Variants in USP7 observed in about 807,000 individuals in gnomAD.
USP7 encodes ubiquitin C-terminal hydrolase 7.
USP7 carries 9 observed loss-of-function variants against 162.9 expected under a neutral mutation model. The observed-to-expected ratio is 0.06, with a 90% CI of 0.03 to 0.10. The LOEUF (loss-of-function observed/expected upper bound fraction) is 0.10, where lower values mean the gene tolerates loss of function less well. USP7 is among the 10% of genes least tolerant of loss of function. The pLI is 1.00. For synonymous variants in USP7, 562 were observed against 475.9 expected, an observed-to-expected ratio of 1.18 and a Z score of -2.35; for missense variants, 715 against 1,373.7, an observed-to-expected ratio of 0.52 and a Z score of 7.58.
At chr16:8,962,517 G>A in intron 1 of USP7, 1 of 450,164 alleles carries the variant, frequency 2.2e-6, no homozygotes, top group Middle Eastern at 3.3e-4. Flanking sequence ...AGCCATGTGC[G>A]GCAGGGCTTT....
In USP7 at chr16:8,892,355, A is replaced by G. The variant is rs1821505805; in HGVS notation, c.*1643T>C. ...CAAGGCAGCTCTCAGAGCAGAAGGC[A>G]CACACACTGCAGTGGAAGTTGAGAA... On this transcript the variant is annotated 3_prime_UTR_variant, in exon 31 of 31. Transcript: ENST00000344836. 1 of 152,380 alleles carries G rather than the reference A, an allele frequency of 6.6e-6. No homozygotes were observed. The highest frequency in any genetic ancestry group is 1.5e-5 in the Non-Finnish European group (1 of 68,126). 9.4% of individuals were successfully genotyped at this position (152,380 alleles called of 1,614,324 possible).
chr16:8,918,963 T>C lies in USP7; in HGVS notation c.720+68A>G, dbSNP rs182723636. The C allele has an allele frequency of 1.5e-4, 225 of 1,520,970 alleles. 1 individual carries two copies. In the African/African-American group the frequency reaches 2.8e-3, roughly 19 times the overall value. The allele number at this position is 1,520,970 out of a possible 1,614,324, so 94.2% of individuals were successfully genotyped here. ...GAGACGCCATGTTTGTTGAGAGGAC[T>C]TTGCTCTGATATACCTGAGAAGAAA... On this transcript the variant is annotated intron_variant, in intron 6 of 30. Transcript: ENST00000344836.
At chr16:8,941,001 T>C (rs1173057517) in intron 1 of USP7, among the ~76,000 whole-genome samples, 2 of 152,146 alleles carry the variant, frequency 1.3e-5, no homozygotes, top group Non-Finnish European at 2.9e-5. Context: ...CCAGGACCCT[T>C]CTTCTCGTCC....
chr16:8,941,805 C>T (rs1899058448), intron 1 of USP7, among the ~76,000 whole-genome samples: 1 of 152,198 alleles, frequency 6.6e-6, no homozygotes, highest in African/African-American at 2.4e-5. Flanking sequence ...CCCTTCCAAG[C>T]CTCCGTCTCT....
intron 3 of USP7, among the ~76,000 whole-genome samples, chr16:8,922,420 G>A (rs2082971752): frequency 2.0e-5 from 3 of 152,238 alleles, no homozygotes; most frequent in Non-Finnish European, 2.9e-5. Flanking sequence ...CCCGGGAGGT[G>A]GAGGTTGTGG....
At chr16:8,896,204 C>T (rs2061679475) in intron 26 of USP7, among the ~76,000 whole-genome samples, 1 of 147,576 alleles carries the variant, frequency 6.8e-6, no homozygotes, top group Non-Finnish European at 1.5e-5. Context: ...AGGCAAGGCA[C>T]GGAGAGGGGG....
At chr16:8,904,719 G>A (rs959772637) in intron 14 of USP7, among the ~76,000 whole-genome samples, 154 bp from the exon 15 acceptor site, 2 of 151,280 alleles carry the variant, frequency 1.3e-5, no homozygotes, top group Admixed American at 6.6e-5. Context: ...GAGGCGGGCC[G>A]ATCACGAGGT....
At chr16:8,903,460 C>T (rs2061810061) in intron 15 of USP7, 58 bp from the exon 16 acceptor site, 2 of 1,565,446 alleles carry the variant, frequency 1.3e-6, no homozygotes, top group Non-Finnish European at 1.7e-6. Flanking sequence ...AATGAGTCCA[C>T]ACTGAACACA....
intron 10 of USP7, among the ~76,000 whole-genome samples, chr16:8,912,735 C>A (rs1385300503): frequency 1.3e-5 from 2 of 150,062 alleles, no homozygotes; most frequent in Admixed American, 6.7e-5. Context: ...CTAGCCTGGC[C>A]TAACACAGCA....
At chr16:8,961,201 A>C (rs989839533) in intron 1 of USP7, among the ~76,000 whole-genome samples, 2 of 152,104 alleles carry the variant, frequency 1.3e-5, no homozygotes, top group African/African-American at 4.8e-5. Flanking sequence ...GTCTTTTAAA[A>C]GCAAACACCG....
intron 5 of USP7, 39 bp from the exon 6 acceptor site, chr16:8,919,178 A>G (rs2164506): frequency 0.059 from 92,771 of 1,585,164 alleles, 2,926 homozygotes; most frequent in Middle Eastern, 0.1. Context: ...TCTTGCAGAT[A>G]CCCCATTGCT....
chr16:8,960,631 C>G lies in USP7; in HGVS notation c.79+2576G>C, dbSNP rs543805516. Among the ~76,000 whole-genome samples the G allele has an allele frequency of 3.2e-4, 48 of 152,300 alleles. 1 individual carries two copies. In the East Asian group the frequency reaches 5.6e-3, roughly 18 times the overall value. ...TTCCAGCTGCTAGTTCGTTAGGAAC[C>G]GAGGCAGACACTGAACAGGTGCCAA... On this transcript the variant is annotated intron_variant, in intron 1 of 30. Transcript: ENST00000344836.
chr16:8,954,697 C>T (rs1465575664), intron 1 of USP7, among the ~76,000 whole-genome samples: 2 of 152,076 alleles, frequency 1.3e-5, no homozygotes, highest in Non-Finnish European at 2.9e-5. Flanking sequence ...AATTGCAGGC[C>T]GGGCACGGTG....
chr16:8,929,572 T>G (rs1898199522), intron 2 of USP7: 1 of 455,934 alleles, frequency 2.2e-6, no homozygotes, highest in Admixed American at 2.3e-5. Flanking sequence ...TCATGAGGAT[T>G]GATGGACATG....
At chr16:8,928,256 G>A (rs1320798644) in intron 2 of USP7, among the ~76,000 whole-genome samples, 4 of 152,178 alleles carry the variant, frequency 2.6e-5, no homozygotes, top group South Asian at 4.1e-4. Flanking sequence ...TTTGGCTACA[G>A]ACCAAACTTC....
intron 1 of USP7, among the ~76,000 whole-genome samples, chr16:8,943,509 A>G (rs549893806): frequency 1.3e-5 from 2 of 152,158 alleles, no homozygotes; most frequent in East Asian, 3.9e-4. Flanking sequence ...CAAAGGATCA[A>G]CACCGAGAAT....
chr16:8,909,864 T>C (rs1452844257), intron 11 of USP7, among the ~76,000 whole-genome samples: 1 of 152,090 alleles, frequency 6.6e-6, no homozygotes, highest in Non-Finnish European at 1.5e-5. Context: ...AGGCAGAGGT[T>C]GCAGTGAGTC....
At chr16:8,942,193 T>G (rs994191850) in intron 1 of USP7, among the ~76,000 whole-genome samples, 1 of 152,242 alleles carries the variant, frequency 6.6e-6, no homozygotes, top group African/African-American at 2.4e-5. Context: ...CACTCTAAAA[T>G]GTTCCCTCCC....
intron 1 of USP7, among the ~76,000 whole-genome samples, chr16:8,953,538 C>G (rs1432128897): frequency 7.9e-6 from 1 of 126,228 alleles, no homozygotes; most frequent in Non-Finnish European, 1.8e-5. Flanking sequence ...AGAGGGAAGA[C>G]ACGTGCCCCA....
Sources: gnomAD v4.1 joint callset for allele counts (sites outside exome capture counted in the v4.1 genomes callset) on GRCh38, gnomAD v4.1.1 for gene constraint, MANE v1.5 for transcripts, NCBI Gene and HGNC (gene_info 2026-07-23, HGNC 2026-07-21) for gene names.